The following FRMD8 variants were observed in gnomAD, a reference collection of about 807,000 sequenced individuals.
FRMD8 encodes the protein FERM domain containing 8.
A neutral mutation model predicts 54.2 loss-of-function variants in FRMD8; 37 were observed. That is an observed-to-expected ratio of 0.68 (90% CI 0.53 to 0.90). The LOEUF (loss-of-function observed/expected upper bound fraction) is 0.90, where lower values mean the gene tolerates loss of function less well. Ranked by LOEUF, FRMD8 falls within the 40% of genes least tolerant of loss-of-function variation. FRMD8 has a pLI of 0.00. For missense variants in FRMD8, 585 were observed against 653.7 expected (o/e 0.89, Z 1.15); for synonymous variants, 246 against 286.9 (o/e 0.86, Z 1.44).
chr11:65,380,628 G>T, the FRMD8 span: 6 of 1,290,208 alleles, frequency 4.7e-6, no homozygotes, highest in Non-Finnish European at 5.1e-6. Flanking sequence ...CAGAACTGCA[G>T]GGCCCTGATG....
At chr11:65,399,594 C>T in intron 7 of FRMD8, 142 bp from the exon 8 acceptor site, 2 of 991,846 alleles carry the variant, frequency 2.0e-6, no homozygotes, top group Non-Finnish European at 2.9e-6. Flanking sequence ...TCCCCTTCAT[C>T]CCACCTCTGT....
chr11:65,397,156 T>G (rs1855976230), intron 7 of FRMD8, 136 bp downstream of exon 7: 1 of 499,170 alleles, frequency 2.0e-6, no homozygotes, highest in South Asian at 3.6e-5. Flanking sequence ...CACGAGCACC[T>G]CAGGCCCCAC....
chr11:65,404,779 A>C lies in FRMD8; in HGVS notation c.1072-85A>C, dbSNP rs1176075121. The C allele has an allele frequency of 8.3e-7, 1 of 1,200,330 alleles. No individual in the cohort carries two copies. Among genetic ancestry groups the C allele is most frequent in the East Asian group, 2.4e-5 (1 of 42,080 alleles). 74.4% of individuals were successfully genotyped at this position (1,200,330 alleles called of 1,614,324 possible). A position where few individuals can be genotyped will look rare whatever the true frequency, so the allele number is the denominator to read the frequency against. ...GTGTGTCCCCTCCCCTGCTTCCCCA[A>C]CCAGAGAGCAGAGCTCATTTCAGGC... On this transcript the variant is annotated intron_variant, in intron 9 of 10. Transcript: ENST00000317568. This position sits in a 1 kb window ranked among gnomAD's most constrained non-coding sequence, Gnocchi z 4.7.
At chr11:65,403,435 G>A (rs1258071215) in intron 9 of FRMD8, among the ~76,000 whole-genome samples, 1 of 152,192 alleles carries the variant, frequency 6.6e-6, no homozygotes, top group Non-Finnish European at 1.5e-5. Flanking sequence ...CACCCGCCTC[G>A]GCCTCCCAAA....
chr11:65,389,567 G>C, intron 3 of FRMD8, 39 bp downstream of exon 3: 1 of 1,533,454 alleles, frequency 6.5e-7, no homozygotes, highest in Non-Finnish European at 8.7e-7. Flanking sequence ...TGGAGGGTTG[G>C]AAGGGCACTG....
chr11:65,411,325 G>T lies in FRMD8; in HGVS notation c.1360G>T (p.Val454Leu), dbSNP rs1230160763. The change falls in exon 11 of 11, where the codon GTG becomes TTG. Residue 454 changes from valine (V) to leucine (L), a missense_variant. Coordinates refer to ENST00000317568, the MANE Select transcript of FRMD8 (RefSeq NM_031904.5). ...QLSLGQGSYT[V>L]VQPGDSLEQG ...GTCCTTGGGCCAGGGGAGCTACACC[G>T]TGGTGCAGCCCGGCGACAGCCTGGA... 2.5e-6 allele frequency: 4 copies of T among 1,606,466 alleles called. No homozygotes were observed. The highest frequency in any genetic ancestry group is 3.4e-6 in the Non-Finnish European group (4 of 1,177,838).
At chr11:65,380,944 G>A in the FRMD8 span, 1 of 215,888 alleles carries the variant, frequency 4.6e-6, no homozygotes, top group South Asian at 5.4e-5. Flanking sequence ...AGCCCAACAG[G>A]GTGGGCCTGG....
rs1196996039 is a variant in FRMD8 at position 65,409,589 on chromosome 11, T to C, written c.1277-1653T>C. The stretch of plus-strand genomic sequence containing the variant: ...GAGTCCAAGACCAGCCTGCGCAACA[T>C]AGCAAGACCGCATCTCTATTTAAAA... On this transcript the variant is annotated intron_variant, in intron 10 of 10. Transcript: ENST00000317568. 3.3e-5 allele frequency among the ~76,000 whole-genome samples: 5 copies of C among 151,958 alleles called. No homozygotes were observed. In the East Asian group the frequency reaches 7.8e-4, roughly 24 times the overall value.
chr11:65,400,200 C>T lies in FRMD8; in HGVS notation c.927+341C>T, dbSNP rs1311494570. 2.0e-5 allele frequency among the ~76,000 whole-genome samples: 3 copies of T among 152,192 alleles called. No homozygotes were observed. Among genetic ancestry groups the T allele is most frequent in the Non-Finnish European group, 4.4e-5 (3 of 68,038 alleles). The stretch of plus-strand genomic sequence containing the variant: ...GCGACGGGAGCCCTCTTGGGCTGAC[C>T]GTGTCCTCTTCTTTCTGCGTTTGGT... On this transcript the variant is annotated intron_variant, in intron 8 of 10. Coordinates refer to ENST00000317568, the MANE Select transcript of FRMD8 (RefSeq NM_031904.5). This position sits in a 1 kb window ranked among gnomAD's most constrained non-coding sequence, Gnocchi z 4.3.
chr11:65,389,591 GGAGGGGGC>G, intron 3 of FRMD8, 63 bp downstream of exon 3: 1 of 1,471,924 alleles, frequency 6.8e-7, no homozygotes, highest in Non-Finnish European at 9.1e-7. Context: ...AGTACAGGAG[GGAGGGGGC>G]AGTGTTTGGA....
chr11:65,389,588 G>C (rs1855802632), intron 3 of FRMD8, 60 bp downstream of exon 3: 1 of 1,479,842 alleles, frequency 6.8e-7, no homozygotes, highest in Admixed American at 2.1e-5. Flanking sequence ...ACCAGTACAG[G>C]AGGGAGGGGG....
chr11:65,379,534 A>G, the FRMD8 span: 108 of 1,611,544 alleles, frequency 6.7e-5, 1 homozygote, highest in East Asian at 2.4e-3. Flanking sequence ...GCAATGGGGA[A>G]GCTCATTCCC....
chr11:65,396,115 G>A (rs1199971785), intron 6 of FRMD8, among the ~76,000 whole-genome samples: 6 of 152,192 alleles, frequency 3.9e-5, no homozygotes, highest in Non-Finnish European at 7.4e-5. Context: ...GTGACTCCTC[G>A]TGTCTTTCCC....
chr11:65,396,729 T>G, intron 6 of FRMD8, 70 bp from the exon 7 acceptor site: 1 of 1,056,152 alleles, frequency 9.5e-7, no homozygotes. Context: ...CAGCCTTGCT[T>G]CCCTCGCCCT....
intron 6 of FRMD8, among the ~76,000 whole-genome samples, chr11:65,396,005 T>C (rs1030832779): frequency 6.6e-6 from 1 of 152,204 alleles, no homozygotes; most frequent in Admixed American, 6.5e-5. Context: ...TGTGTCTGTG[T>C]GCCCTCGCAG....
chr11:65,394,597 C>T (rs541167528), intron 6 of FRMD8, among the ~76,000 whole-genome samples, 172 bp downstream of exon 6: 2 of 152,356 alleles, frequency 1.3e-5, no homozygotes, highest in South Asian at 2.1e-4. Context: ...CCCTCAGCCT[C>T]CTTTTCCTCA....
At chr11:65,402,052 A>C (rs756042274) in intron 9 of FRMD8, among the ~76,000 whole-genome samples, 2 of 151,990 alleles carry the variant, frequency 1.3e-5, no homozygotes, top group Non-Finnish European at 2.9e-5. Flanking sequence ...TCGTTTGTTG[A>C]AAAGACATTG....
At chr11:65,385,547 C>T (rs1208603769), upstream of FRMD8, among the ~76,000 whole-genome samples, 6 of 152,164 alleles carry the variant, frequency 3.9e-5, no homozygotes, top group Non-Finnish European at 5.9e-5. Flanking sequence ...AGAAGGTGCC[C>T]CATGGACTTA....
intron 6 of FRMD8, among the ~76,000 whole-genome samples, chr11:65,394,674 C>G (rs1449824843): frequency 6.6e-6 from 1 of 152,206 alleles, no homozygotes; most frequent in Non-Finnish European, 1.5e-5. Context: ...CTGCCTCCTG[C>G]CGGCCAGGGT....
Sources: gnomAD v4.1 joint callset for allele counts (sites outside exome capture counted in the v4.1 genomes callset) on GRCh38, gnomAD v4.1.1 for gene constraint, Gnocchi (gnomAD v3.1) non-coding constraint, MANE v1.5 for transcripts, NCBI Gene and HGNC (gene_info 2026-07-23, HGNC 2026-07-21) for gene names.